The following DPYD variants were observed in gnomAD, a reference collection of about 807,000 sequenced individuals.
The protein encoded by DPYD is dihydropyrimidine dehydrogenase [NADP(+)].
Under a neutral mutation model 116.2 loss-of-function variants are expected in DPYD, and 109 were observed. The observed-to-expected ratio is 0.94, with a 90% CI of 0.80 to 1.10. The LOEUF (loss-of-function observed/expected upper bound fraction) is 1.10. DPYD is among the 50% of genes least tolerant of loss of function. The pLI, the probability that DPYD is intolerant of heterozygous loss-of-function variation, is 0.00. For missense variants in DPYD, 1,302 were observed against 1,254.5 expected, an observed-to-expected ratio of 1.04 and a Z score of -0.57; for synonymous variants, 440 against 432.0, an observed-to-expected ratio of 1.02 and a Z score of -0.23.
intron 2 of DPYD, among the ~76,000 whole-genome samples, chr1:97,844,021 A>G (rs572372913): frequency 6.6e-6 from 1 of 152,342 alleles, no homozygotes; most frequent in African/African-American, 2.4e-5. Flanking sequence ...ATAGGGAAAT[A>G]AAGATCTATT....
At chr1:97,546,796 T>G in intron 12 of DPYD, 1 of 1,613,014 alleles carries the variant, frequency 6.2e-7, no homozygotes, top group Non-Finnish European at 8.5e-7. Flanking sequence ...CTATATGGGT[T>G]TGGATCAGAT....
At chr1:97,361,459 C>T (rs1433202060) in intron 16 of DPYD, among the ~76,000 whole-genome samples, 1 of 152,146 alleles carries the variant, frequency 6.6e-6, no homozygotes, top group African/African-American at 2.4e-5. Flanking sequence ...TCTTATGAGG[C>T]CAGCATTATC....
chr1:97,464,712 C>T (rs1472756891), intron 13 of DPYD, among the ~76,000 whole-genome samples: 1 of 152,192 alleles, frequency 6.6e-6, no homozygotes, highest in Non-Finnish European at 1.5e-5. Context: ...GAAACTTTGC[C>T]TAGATTTCAG....
chr1:97,185,535 T>C (rs12079660), intron 20 of DPYD, among the ~76,000 whole-genome samples: 4,714 of 152,262 alleles, frequency 0.031, 235 homozygotes, highest in African/African-American at 0.11. Context: ...AGTATGTTTA[T>C]AGCAAAAATA....
At chr1:97,702,802 A>G (rs1485954188) in intron 5 of DPYD, among the ~76,000 whole-genome samples, 1 of 151,998 alleles carries the variant, frequency 6.6e-6, no homozygotes, top group African/African-American at 2.4e-5. Flanking sequence ...ATTTTCACCT[A>G]AAATATTTTA....
At chr1:97,316,352 A>AC (rs1383136024) in intron 16 of DPYD, among the ~76,000 whole-genome samples, 1 of 150,608 alleles carries the variant, frequency 6.6e-6, no homozygotes, top group Non-Finnish European at 1.5e-5. Flanking sequence ...GAAAAAAAAA[A>AC]ACAAAAAAAC....
intron 21 of DPYD, among the ~76,000 whole-genome samples, chr1:97,084,504 A>AT (rs918282593): frequency 1.3e-5 from 2 of 151,114 alleles, no homozygotes; most frequent in African/African-American, 4.9e-5. Flanking sequence ...TTTCTTAAAA[A>AT]TTTTTTTTGA....
chr1:97,733,063 A>T (rs1309269970), intron 4 of DPYD, among the ~76,000 whole-genome samples: 1 of 152,076 alleles, frequency 6.6e-6, no homozygotes, highest in Non-Finnish European at 1.5e-5. Context: ...TTGAAAATAG[A>T]TCTAAATAAA....
intron 18 of DPYD, among the ~76,000 whole-genome samples, chr1:97,263,994 T>C (rs949047519): frequency 1.3e-5 from 2 of 152,006 alleles, no homozygotes; most frequent in Non-Finnish European, 2.9e-5. Context: ...ATATTATCTT[T>C]TTTCTTTTAT....
At chr1:97,294,217 T>A (rs1666383583) in intron 18 of DPYD, among the ~76,000 whole-genome samples, 1 of 152,126 alleles carries the variant, frequency 6.6e-6, no homozygotes, top group Admixed American at 6.5e-5. Flanking sequence ...CTTTTCAAAT[T>A]AATACACACT....
intron 13 of DPYD, among the ~76,000 whole-genome samples, chr1:97,510,085 G>T (rs1647665444): frequency 6.6e-6 from 1 of 151,488 alleles, no homozygotes; most frequent in African/African-American, 2.4e-5. Context: ...GCCATCATTA[G>T]CCATTTACAA....
chr1:97,813,521 T>C (rs1182535209), intron 3 of DPYD, among the ~76,000 whole-genome samples: 1 of 152,116 alleles, frequency 6.6e-6, no homozygotes, highest in African/African-American at 2.4e-5. Flanking sequence ...TAGAGAAAGA[T>C]GCTAGCAAGA....
At chr1:97,562,065 A>T (rs1652190523) in intron 11 of DPYD, among the ~76,000 whole-genome samples, 1 of 152,242 alleles carries the variant, frequency 6.6e-6, no homozygotes, top group African/African-American at 2.4e-5. Context: ...TGTGAACTTT[A>T]GAGAACCTAA....
chr1:97,840,295 T>A (rs947218924), intron 2 of DPYD, among the ~76,000 whole-genome samples: 4 of 152,036 alleles, frequency 2.6e-5, no homozygotes, highest in Non-Finnish European at 4.4e-5. Flanking sequence ...ATAGGAGTAA[T>A]TTTTTAAGCC....
At chr1:97,303,648 T>C (rs1021932500) in intron 18 of DPYD, among the ~76,000 whole-genome samples, 2 of 152,062 alleles carry the variant, frequency 1.3e-5, no homozygotes, top group Non-Finnish European at 2.9e-5. Flanking sequence ...AGGAAAACTA[T>C]ATTAATTCTG....
intron 13 of DPYD, among the ~76,000 whole-genome samples, chr1:97,485,677 T>C (rs563144119): frequency 3.3e-4 from 50 of 152,318 alleles, no homozygotes; most frequent in African/African-American, 1.2e-3. Flanking sequence ...TTAAAATACA[T>C]GTGGTCATTT....
chr1:97,079,057 G>A lies in DPYD; in HGVS notation c.2997C>T (p.Val999=), dbSNP rs757509506. Residue 999 remains valine (V), a synonymous_variant, in exon 23 of 23, where the codon GTC becomes GTT. Transcript: ENST00000370192. ...CTLCLSVCPI[V]DCIKMVSRTT... is the part of the protein sequence containing the mutation. ...TCCTGGAAACCATTTTGATGCAGTC[G>A]ACAATAGGGCAAACACTGAGACACA... 5.0e-6 allele frequency: 8 copies of A among 1,613,674 alleles called. No individual in the cohort carries two copies. The highest frequency in any genetic ancestry group is 2.2e-5 in the East Asian group (1 of 44,856).
intron 11 of DPYD, among the ~76,000 whole-genome samples, chr1:97,566,127 G>A (rs759738362): frequency 6.6e-6 from 1 of 152,056 alleles, no homozygotes; most frequent in Non-Finnish European, 1.5e-5. Context: ...ACTTCCTCTA[G>A]GAAGCTTCCC....
intron 21 of DPYD, among the ~76,000 whole-genome samples, chr1:97,090,843 C>A (rs538653847): frequency 6.6e-6 from 1 of 152,232 alleles, no homozygotes; most frequent in Non-Finnish European, 1.5e-5. Context: ...ACATCCTGAG[C>A]CTTGGACCAT....
Sources: allele counts gnomAD v4.1 joint callset (sites outside exome capture counted in the v4.1 genomes callset), GRCh38; gene constraint gnomAD v4.1.1; transcripts MANE v1.5; gene names NCBI Gene and HGNC (gene_info 2026-07-23, HGNC 2026-07-21).